The following ZMAT2 variants were observed in gnomAD, a reference collection of about 807,000 sequenced individuals.
ZMAT2 encodes zinc finger matrin-type 2.
In ZMAT2, 5 loss-of-function variants were observed where a neutral mutation model predicts 27.5. The observed-to-expected ratio is 0.18, with a 90% CI of 0.10 to 0.38. The LOEUF (loss-of-function observed/expected upper bound fraction) is 0.38. Among genes scored for constraint, ZMAT2 ranks in the 10% least tolerant of loss-of-function variants. The pLI is 1.00. For synonymous variants in ZMAT2, 76 were observed against 78.6 expected (o/e 0.97, Z 0.17); for missense variants, 124 against 243.9 (o/e 0.51, Z 3.27).
Position 140,705,667 on chromosome 5 carries a change from GC to G in ZMAT2, c.512del (p.Ala171ValfsTer5). 2 of 1,614,096 alleles carry G rather than the reference GC, an allele frequency of 1.2e-6. No homozygotes were observed. The highest frequency in any genetic ancestry group is 1.7e-6 in the Non-Finnish European group (2 of 1,179,984). On this transcript the variant is annotated frameshift_variant, in exon 6 of 6. Transcript: ENST00000274712. LOFTEE classifies it high-confidence loss of function. ...GAAACAGAAGGAGAAGAAAAGGAGG[GC>G]TGAGGAGGACTTGACATTTGAGGAG... Reference protein sequence around the residue: ...KEKQKEKKRRAEEDLTFEEDD... With the variant: ...KEKQKEKKRRXEEDLTFEEDD...
intron 4 of ZMAT2, 132 bp downstream of exon 4, chr5:140,704,123 T>C: frequency 1.2e-6 from 1 of 861,652 alleles, no homozygotes; most frequent in South Asian, 1.6e-5. Context: ...TAGTTTCTAC[T>C]GGGCTCTTTT....
At position 140,700,730 on chromosome 5, in the gene ZMAT2, G is replaced by A. The variant is rs1013976328; in HGVS notation, c.19-89G>A. 8 of 1,466,628 alleles carry A rather than the reference G, an allele frequency of 5.5e-6. No individual in the cohort carries two copies. In the Admixed American group the frequency reaches 1.3e-4, roughly 24 times the overall value. 90.9% of individuals were successfully genotyped at this position (1,466,628 alleles called of 1,614,324 possible). A position where few individuals can be genotyped will look rare whatever the true frequency, so the allele number is the denominator to read the frequency against. The stretch of plus-strand genomic sequence containing the variant: ...AGAGGCTTTGCTTTCAAAACGTCCT[G>A]TAGACACCTGGACCGCGAGGGCGCG... On this transcript the variant is annotated intron_variant, in intron 1 of 5. Transcript: ENST00000274712.
At chr5:140,701,859 C>T (rs1218833611) in intron 2 of ZMAT2, 147 bp from the exon 3 acceptor site, 21 of 885,148 alleles carry the variant, frequency 2.4e-5, no homozygotes, top group Non-Finnish European at 3.4e-5. Context: ...GAGATTCTCC[C>T]CAGCTGCTAC....
chr5:140,704,603 A>T, intron 5 of ZMAT2, 32 bp downstream of exon 5: 1 of 1,607,764 alleles, frequency 6.2e-7, no homozygotes, highest in Non-Finnish European at 8.5e-7. Flanking sequence ...CCTCTCCCCC[A>T]GATTTGAGTT....
Position 140,705,860 on chromosome 5 carries a change from A to T in ZMAT2, c.*104A>T. Reference sequence around the variant, plus strand: ...CTTTTTGGGTAATGGGAAAGTTCTTAAGAGTGTCAATGGGGAGGGATAGAG... The same window carrying T: ...CTTTTTGGGTAATGGGAAAGTTCTTTAGAGTGTCAATGGGGAGGGATAGAG... On this transcript the variant is annotated 3_prime_UTR_variant, in exon 6 of 6. Transcript: ENST00000274712. 1 of 1,471,772 alleles carries T rather than the reference A, an allele frequency of 6.8e-7. No homozygotes were observed. Among genetic ancestry groups the T allele is most frequent in the South Asian group, 1.3e-5 (1 of 74,754 alleles). 91.2% of individuals were successfully genotyped at this position (1,471,772 alleles called of 1,614,324 possible).
In ZMAT2 at chr5:140,701,953, T is replaced by G. The variant is rs1000909244; in HGVS notation, c.113-53T>G. 15 of 1,548,630 alleles carry G rather than the reference T, an allele frequency of 9.7e-6. No individual in the cohort carries two copies. In the African/African-American group the frequency reaches 1.8e-4, roughly 19 times the overall value. Reference sequence around the variant, plus strand: ...TGGATTTCATGCATTTTTTTTCCTTTCTGGTTGAGGAACTATAATATTGAA... The same window carrying G: ...TGGATTTCATGCATTTTTTTTCCTTGCTGGTTGAGGAACTATAATATTGAA... On this transcript the variant is annotated intron_variant, in intron 2 of 5. Transcript: ENST00000274712.
intron 3 of ZMAT2, 140 bp downstream of exon 3, chr5:140,702,269 T>G: frequency 8.6e-7 from 1 of 1,157,510 alleles, no homozygotes; most frequent in Non-Finnish European, 1.2e-6. Flanking sequence ...TATATTTGTT[T>G]TTCTGTGTCT....
intron 5 of ZMAT2, 130 bp from the exon 6 acceptor site, chr5:140,705,483 A>T: frequency 9.3e-7 from 1 of 1,073,156 alleles, no homozygotes; most frequent in Non-Finnish European, 1.3e-6. Flanking sequence ...CCCATATTAG[A>T]GATCTTAATA....
intron 4 of ZMAT2, 104 bp downstream of exon 4, chr5:140,704,095 TGGCTG>T (rs2149861910): frequency 9.1e-7 from 1 of 1,094,690 alleles, no homozygotes; most frequent in South Asian, 1.4e-5. Context: ...CATCAAAAGA[TGGCTG>T]GAGTAAGAAG....
Position 140,701,993 on chromosome 5 carries a change from C to T in ZMAT2, c.113-13C>T, listed in dbSNP as rs1196959398. The T allele has an allele frequency of 8.7e-6, 14 of 1,603,166 alleles. No homozygotes were observed. The highest frequency in any genetic ancestry group is 1.7e-5 in the Admixed American group (1 of 58,130). On this transcript the variant is annotated splice_polypyrimidine_tract_variant and intron_variant, in intron 2 of 5. Transcript: ENST00000274712. ...ATAATATTGAAGGGACTTCCTTCCC[C>T]ATTATGTTTCAGGAAAACCAGTGCA...
intron 5 of ZMAT2, 64 bp downstream of exon 5, chr5:140,704,635 AC>A: frequency 1.3e-6 from 2 of 1,567,344 alleles, no homozygotes; most frequent in Non-Finnish European, 1.7e-6. Context: ...ATCATGGGAG[AC>A]CCTGTCCTCA....
intron 3 of ZMAT2, 152 bp from the exon 4 acceptor site, chr5:140,703,766 T>C (rs749583322): frequency 3.0e-6 from 2 of 660,820 alleles, no homozygotes; most frequent in African/African-American, 3.6e-5. Flanking sequence ...TCTTGGAAGA[T>C]GACTGCTATA....
chr5:140,701,443 T>C (rs1759962716), intron 2 of ZMAT2, among the ~76,000 whole-genome samples: 1 of 152,220 alleles, frequency 6.6e-6, no homozygotes. Flanking sequence ...GTTTAAGAGA[T>C]TGCATAAAGA....
chr5:140,700,571 C>T (rs1447385706), intron 1 of ZMAT2, 93 bp downstream of exon 1: 2 of 1,595,594 alleles, frequency 1.3e-6, no homozygotes, highest in Admixed American at 3.5e-5. Flanking sequence ...ACTGGCTTCC[C>T]GATATCTCCT....
At chr5:140,701,936 A>T in intron 2 of ZMAT2, 70 bp from the exon 3 acceptor site, 1 of 1,536,226 alleles carries the variant, frequency 6.5e-7, no homozygotes, top group Non-Finnish European at 8.8e-7. Flanking sequence ...TTTGGATTTC[A>T]TGCATTTTTT....
chr5:140,703,937 G>T lies in ZMAT2; in HGVS notation c.256G>T (p.Asp86Tyr). Residue 86 changes from aspartate (D) to tyrosine (Y), a missense_variant, in exon 4 of 6, where the codon GAC becomes TAC. Asp to Tyr is a radical substitution (Grantham distance 160, BLOSUM62 -3). Coordinates refer to ENST00000274712, the MANE Select transcript of ZMAT2 (RefSeq NM_144723.3). The stretch of plus-strand genomic sequence containing the variant: ...TGTTAGATATTACTGCAATGTCTGT[G>T]ACTGTGTGGTGAAGGACTCCATCAA... Reference protein sequence around the residue: ...EMGGYYCNVCDCVVKDSINFL... With the variant: ...EMGGYYCNVCYCVVKDSINFL... 1 of 1,614,136 alleles carries T rather than the reference G, an allele frequency of 6.2e-7. No homozygotes were observed. The highest frequency in any genetic ancestry group is 1.1e-5 in the South Asian group (1 of 91,064).
intron 2 of ZMAT2, among the ~76,000 whole-genome samples, chr5:140,701,495 C>A (rs1312969793): frequency 6.6e-6 from 1 of 152,208 alleles, no homozygotes; most frequent in Non-Finnish European, 1.5e-5. Context: ...GTACATTCTT[C>A]TTTCCCTTTA....
chr5:140,700,713 T>G, intron 1 of ZMAT2, 106 bp from the exon 2 acceptor site: 2 of 1,376,400 alleles, frequency 1.5e-6, no homozygotes, highest in South Asian at 2.6e-5. Flanking sequence ...AAAGAGGCTT[T>G]GCTTTCAAAA....
Position 140,700,473 on chromosome 5 carries a change from A to G in ZMAT2, c.13A>G (p.Ser5Gly). 6.2e-7 allele frequency: 1 copy of G among 1,613,044 alleles called. No homozygotes were observed. Residue 5 changes from serine to glycine, a missense_variant, in exon 1 of 6, where the codon AGC becomes GGC. Ser to Gly is a moderately conservative substitution (Grantham distance 56, BLOSUM62 0). This residue lies in a region of ZMAT2 where 24 missense variants were observed against 24.1 expected (regional missense o/e 0.99). Coordinates refer to ENST00000274712, the MANE Select transcript of ZMAT2 (RefSeq NM_144723.3). ...CTTCGCTGTGAAGATGGCGTCGGGCAGCGGGGTAGGTGTTGTGTCTGAGGA... is the reference window on the plus strand; with the variant it reads ...CTTCGCTGTGAAGATGGCGTCGGGCGGCGGGGTAGGTGTTGTGTCTGAGGA... MASG[S>G]GTKNLDFRRK...
Sources: gnomAD v4.1 joint callset for allele counts (sites outside exome capture counted in the v4.1 genomes callset) on GRCh38, gnomAD v4.1.1 for gene constraint, gnomAD v4.1.1 regional missense constraint, MANE v1.5 for transcripts, NCBI Gene and HGNC (gene_info 2026-07-23, HGNC 2026-07-21) for gene names.